ACAP2: variants seen among roughly 807,000 people sequenced by gnomAD.
The protein encoded by ACAP2 is arf-GAP with coiled-coil, ANK repeat and PH domain-containing protein 2.
ACAP2 carries 39 observed loss-of-function variants against 115.8 expected under a neutral mutation model. That is an observed-to-expected ratio of 0.34 (90% confidence interval 0.26 to 0.44). The LOEUF is 0.44. ACAP2 is among the 20% of genes least tolerant of loss of function. ACAP2 has a pLI of 1.00. For synonymous variants in ACAP2, 289 were observed against 315.8 expected, an observed-to-expected ratio of 0.92 and a Z score of 0.90; for missense variants, 662 against 927.6, an observed-to-expected ratio of 0.71 and a Z score of 3.72.
At chr3:195,364,023 A>G (rs1732547347) in intron 4 of ACAP2, among the ~76,000 whole-genome samples, 1 of 152,202 alleles carries the variant, frequency 6.6e-6, no homozygotes, top group African/African-American at 2.4e-5. Context: ...CATTGGGGAA[A>G]TTCTCCAGGA....
chr3:195,367,641 T>C (rs934128683), intron 4 of ACAP2, among the ~76,000 whole-genome samples: 11 of 152,208 alleles, frequency 7.2e-5, no homozygotes, highest in Non-Finnish European at 1.5e-4. Context: ...GCAGAAGTGA[T>C]GCGATGTGAC....
intron 9 of ACAP2, among the ~76,000 whole-genome samples, chr3:195,323,624 T>C (rs1224867117): frequency 6.6e-6 from 1 of 152,140 alleles, no homozygotes. Context: ...GAAGCTTTGC[T>C]ATTAGATATC....
chr3:195,348,078 GA>G (rs1731303176), intron 4 of ACAP2, among the ~76,000 whole-genome samples: 2 of 151,720 alleles, frequency 1.3e-5, no homozygotes, highest in African/African-American at 4.8e-5. Flanking sequence ...CTAAACCTGG[GA>G]ATGTATTTGA....
intron 4 of ACAP2, among the ~76,000 whole-genome samples, chr3:195,368,659 T>C (rs987799744): frequency 1.3e-5 from 2 of 152,254 alleles, no homozygotes; most frequent in Non-Finnish European, 2.9e-5. Context: ...TATTAGAATA[T>C]AATTGTTTTT....
At chr3:195,414,979 A>C (rs1436235147) in intron 1 of ACAP2, among the ~76,000 whole-genome samples, 1 of 152,212 alleles carries the variant, frequency 6.6e-6, no homozygotes. Flanking sequence ...GTTGGGGTAA[A>C]GGGAGGGATG....
chr3:195,361,943 C>T (rs1441724559), intron 4 of ACAP2, among the ~76,000 whole-genome samples: 1 of 152,138 alleles, frequency 6.6e-6, no homozygotes, highest in Non-Finnish European at 1.5e-5. Flanking sequence ...TTCCTAGACA[C>T]ATACAGCCTA....
intron 10 of ACAP2, among the ~76,000 whole-genome samples, chr3:195,319,179 C>T (rs1729284590): frequency 6.6e-6 from 1 of 152,232 alleles, no homozygotes; most frequent in Admixed American, 6.5e-5. Context: ...TTGGGAAACT[C>T]CACCTAGATT....
At chr3:195,417,852 G>A (rs189706850) in intron 1 of ACAP2, among the ~76,000 whole-genome samples, 39 of 152,204 alleles carry the variant, frequency 2.6e-4, no homozygotes, top group African/African-American at 9.4e-4. Context: ...AGGAGGCTAA[G>A]GTGGGAGGAT....
chr3:195,343,956 C>T (rs897184063), intron 5 of ACAP2, among the ~76,000 whole-genome samples: 6 of 152,086 alleles, frequency 3.9e-5, no homozygotes, highest in African/African-American at 1.4e-4. Flanking sequence ...GCCTGTAATC[C>T]CAGTGCTTTG....
chr3:195,428,180 T>C lies in ACAP2; in HGVS notation c.53+14615A>G, dbSNP rs149287426. Among the ~76,000 whole-genome samples the C allele has an allele frequency of 6.6e-5, 10 of 151,720 alleles. No individual in the cohort carries two copies. In the East Asian group the frequency reaches 1.9e-3, roughly 29 times the overall value. On this transcript the variant is annotated intron_variant, in intron 1 of 22. Transcript: ENST00000326793. ...TGTTGTTGACTGGAATGTGACTGTA[T>C]ATATATACATACATGTATACATATA... is the stretch of plus-strand genomic sequence containing the variant.
rs111877717 is a variant in ACAP2 at position 195,404,837 on chromosome 3, G to A, written c.54-12690C>T. ...TTTGGAGACAGAGTCTTGCTCTGTC[G>A]CCCAGGCTGGAGTGCAATGGCACAA... On this transcript the variant is annotated intron_variant, in intron 1 of 22. Transcript: ENST00000326793. Among the ~76,000 whole-genome samples, 353 of 141,612 alleles carry A rather than the reference G, an allele frequency of 2.5e-3. 2 individuals are homozygous for A. Among genetic ancestry groups the A allele is most frequent in the African/African-American group, 8.6e-3 (326 of 38,116 alleles). The allele number at this position is 141,612 out of a possible 152,430, so 92.9% of individuals were successfully genotyped here.
At chr3:195,373,208 T>A (rs985254412) in intron 4 of ACAP2, among the ~76,000 whole-genome samples, 1 of 151,870 alleles carries the variant, frequency 6.6e-6, no homozygotes, top group Non-Finnish European at 1.5e-5. Context: ...GGAGGATTGC[T>A]TGAGCCCAGA....
intron 2 of ACAP2, among the ~76,000 whole-genome samples, chr3:195,384,226 G>A (rs1338310288): frequency 6.6e-6 from 1 of 152,160 alleles, no homozygotes; most frequent in Non-Finnish European, 1.5e-5. Flanking sequence ...GCGTCTCTCA[G>A]TGGACAGCTA....
At chr3:195,408,842 A>G (rs1209345860) in intron 1 of ACAP2, among the ~76,000 whole-genome samples, 5 of 152,184 alleles carry the variant, frequency 3.3e-5, no homozygotes, top group African/African-American at 4.8e-5. Context: ...GAATGAAGGG[A>G]AAAAAATCCA....
chr3:195,286,275 C>A lies in ACAP2; in HGVS notation c.2175-418G>T, dbSNP rs112347419. ...GGCTCACCCTGAAGTGAGGTAGCTG[C>A]AGACATATAAACAGCATGTGTGGCC... is the stretch of plus-strand genomic sequence containing the variant. On this transcript the variant is annotated intron_variant, in intron 21 of 22. Transcript: ENST00000326793. Among the ~76,000 whole-genome samples the A allele has an allele frequency of 4.2e-4, 64 of 152,316 alleles. No individual in the cohort carries two copies. The Middle Eastern group carries it at 0.017, about 40-fold the overall frequency.
chr3:195,285,600 C>T, intron 22 of ACAP2, 196 bp downstream of exon 22: 1 of 528,856 alleles, frequency 1.9e-6, no homozygotes, highest in Non-Finnish European at 3.3e-6. Context: ...TGTTTAAAGG[C>T]CCGGGATTAG....
At chr3:195,423,818 A>T (rs892140582) in intron 1 of ACAP2, among the ~76,000 whole-genome samples, 1 of 151,896 alleles carries the variant, frequency 6.6e-6, no homozygotes, top group Non-Finnish European at 1.5e-5. Context: ...GTGTCATGAA[A>T]TTTTTTTTAA....
chr3:195,294,047 G>C (rs953361110), intron 18 of ACAP2, among the ~76,000 whole-genome samples: 3 of 152,016 alleles, frequency 2.0e-5, no homozygotes, highest in Non-Finnish European at 2.9e-5. Context: ...GCTGAGGCAG[G>C]GGAATGGCAT....
At chr3:195,392,803 AT>A (rs1734765758) in intron 1 of ACAP2, among the ~76,000 whole-genome samples, 1 of 152,234 alleles carries the variant, frequency 6.6e-6, no homozygotes, top group African/African-American at 2.4e-5. Flanking sequence ...AAAATTGGAA[AT>A]TTGTCTGAAA....
Sources: allele counts gnomAD v4.1 joint callset (sites outside exome capture counted in the v4.1 genomes callset), GRCh38; gene constraint gnomAD v4.1.1; transcripts MANE v1.5; gene names NCBI Gene and HGNC (gene_info 2026-07-23, HGNC 2026-07-21).